Variants in NAV2 observed in about 807,000 individuals in gnomAD.
NAV2 encodes the protein helicase, APC down-regulated 1.
In NAV2, 54 loss-of-function variants were observed where a neutral mutation model predicts 223.2. That is an observed-to-expected ratio of 0.24 (90% CI 0.19 to 0.30). NAV2 has a LOEUF of 0.30. NAV2 is among the 10% of genes least tolerant of loss of function. The probability of loss-of-function intolerance (pLI) is 1.00; values close to 1 mark genes in which losing one functional copy is unlikely to be tolerated. For missense variants in NAV2, 2,806 were observed against 3,147.5 expected (o/e 0.89, Z 2.60); for synonymous variants, 1,279 against 1,239.3 (o/e 1.03, Z -0.67).
At chr11:19,705,045 T>A (rs1481107634) in intron 1 of NAV2, among the ~76,000 whole-genome samples, 1 of 150,926 alleles carries the variant, frequency 6.6e-6, no homozygotes, top group Admixed American at 6.6e-5. Flanking sequence ...AAATAATTTT[T>A]AAATATCAAT....
chr11:19,842,141 T>C (rs572148609), intron 2 of NAV2, among the ~76,000 whole-genome samples: 1 of 152,330 alleles, frequency 6.6e-6, no homozygotes, highest in Non-Finnish European at 1.5e-5. Context: ...GACTGTGTTA[T>C]GCCAGGGACT....
chr11:19,791,463 C>G (rs372087337), intron 1 of NAV2, among the ~76,000 whole-genome samples: 88 of 152,258 alleles, frequency 5.8e-4, no homozygotes, highest in African/African-American at 1.9e-3. Flanking sequence ...GCTGGCATGA[C>G]AGGAAGAAGC....
At chr11:19,506,869 C>T (rs1564996234) in intron 1 of NAV2, 1 of 152,036 alleles carries the variant, frequency 6.6e-6, no homozygotes, top group South Asian at 2.1e-4. Flanking sequence ...ATGTGGAGCC[C>T]CTTGTTCAAA....
chr11:19,354,293 G>A (rs1853490239), intron 1 of NAV2, among the ~76,000 whole-genome samples: 2 of 152,184 alleles, frequency 1.3e-5, no homozygotes, highest in Admixed American at 1.3e-4. Flanking sequence ...TGTTCTATTC[G>A]TGCACTGTAC....
intron 1 of NAV2, among the ~76,000 whole-genome samples, chr11:19,793,544 G>A (rs7110079): frequency 0.23 from 34,296 of 152,064 alleles, 4,623 homozygotes; most frequent in East Asian, 0.7. Flanking sequence ...CTCTGCTGCC[G>A]TCACCTAGCC....
chr11:19,369,574 C>T (rs1016434180), intron 1 of NAV2, among the ~76,000 whole-genome samples: 1 of 152,160 alleles, frequency 6.6e-6, no homozygotes, highest in Non-Finnish European at 1.5e-5. Flanking sequence ...ACTTTTGTGA[C>T]TTCCTCAGAG....
intron 2 of NAV2, among the ~76,000 whole-genome samples, chr11:19,842,503 C>T (rs1324644203): frequency 6.6e-6 from 1 of 152,190 alleles, no homozygotes; most frequent in Non-Finnish European, 1.5e-5. Context: ...GACTGATCCA[C>T]TCTGAACTAT....
chr11:20,089,390 C>T (rs540128757), intron 26 of NAV2, among the ~76,000 whole-genome samples: 2 of 152,308 alleles, frequency 1.3e-5, no homozygotes, highest in South Asian at 2.1e-4. Flanking sequence ...CCCCGAAATA[C>T]AATTTCATCT....
Position 19,713,849 on chromosome 11 carries a change from T to A in NAV2, c.154T>A (p.Tyr52Asn). ...CAAGGTGGAGGTGAGCAAGACCACCTATCCTAGCCAGATCCCCCTGAAATC... is the reference window on the plus strand; with the variant it reads ...CAAGGTGGAGGTGAGCAAGACCACCAATCCTAGCCAGATCCCCCTGAAATC... Reference protein sequence around the residue: ...GSKVEVSKTTYPSQIPLKSQV... With the variant: ...GSKVEVSKTTNPSQIPLKSQV... Residue 52 changes from tyrosine to asparagine, a missense_variant, in exon 1 of 38, where the codon TAT becomes AAT. Physicochemically the swap from Tyr to Asn is moderately radical, Grantham distance 143. This residue lies in a region of NAV2 where 1,167 missense variants were observed against 1,180.5 expected (regional missense o/e 0.99). Transcript: ENST00000349880. The surrounding 1 kb of genome is among the most constrained non-coding windows in gnomAD (Gnocchi z 7.2). 6.2e-7 allele frequency: 1 copy of A among 1,613,550 alleles called. No individual in the cohort carries two copies. Among genetic ancestry groups the A allele is most frequent in the East Asian group, 2.2e-5 (1 of 44,848 alleles).
intron 12 of NAV2, among the ~76,000 whole-genome samples, chr11:20,040,057 GATGAGTTCAGGATGT>G (rs2056768326): frequency 6.6e-6 from 1 of 152,218 alleles, no homozygotes; most frequent in Admixed American, 6.5e-5. Flanking sequence ...GAGAGGATAA[GATGAGTTCAGGATGT>G]ATGTGGAGGG....
chr11:19,880,044 G>T lies in NAV2; in HGVS notation c.687G>T (p.Val229=), dbSNP rs2063102927. ...QCQAGTPQQQ[V]PVTPQAPCQP... is the part of the protein sequence containing the mutation. ...AGGCTGGCACCCCTCAGCAGCAGGT[G>T]CCAGTCACTCCCCAAGCCCCGTGCC... Residue 229 remains valine, a synonymous_variant, in exon 5 of 38, where the codon GTG becomes GTT. Transcript: ENST00000349880. The T allele has an allele frequency of 6.2e-7, 1 of 1,613,640 alleles. No homozygotes were observed. Among genetic ancestry groups the T allele is most frequent in the Non-Finnish European group, 8.5e-7 (1 of 1,179,772 alleles).
chr11:19,884,482 G>A, intron 5 of NAV2: 1 of 802,510 alleles, frequency 1.2e-6, no homozygotes, highest in Non-Finnish European at 2.1e-6. Flanking sequence ...TGCAGTTCGA[G>A]AAAACTAAAT....
In NAV2 at chr11:19,886,033, CTCATGGCGCTA is replaced by C. The variant is rs532931730; in HGVS notation, c.770+5925_770+5935del. Among the ~76,000 whole-genome samples the C allele has an allele frequency of 4.5e-4, 69 of 152,304 alleles. 1 individual carries two copies. Among genetic ancestry groups the C allele is most frequent in the Middle Eastern group, 3.4e-3 (1 of 294 alleles). The stretch of plus-strand genomic sequence containing the variant: ...TCCAGTTCTGATACTTTAACCTAGA[CTCATGGCGCTA>C]TCATGGCGCTATCATGGCTCCCTGA... On this transcript the variant is annotated intron_variant, in intron 5 of 37. Transcript: ENST00000349880.
intron 1 of NAV2, among the ~76,000 whole-genome samples, chr11:19,474,624 G>A (rs977028380): frequency 1.3e-5 from 2 of 152,176 alleles, no homozygotes; most frequent in African/African-American, 4.8e-5. Context: ...CTATAGAGCT[G>A]CAAGCCTTAT....
At chr11:19,761,517 G>A (rs541575869) in intron 1 of NAV2, among the ~76,000 whole-genome samples, 12 of 152,306 alleles carry the variant, frequency 7.9e-5, no homozygotes, top group African/African-American at 2.9e-4. Context: ...CAGAGAGCAT[G>A]ATCCAGGCAG....
At chr11:19,453,741 C>T (rs1481035179) in intron 1 of NAV2, among the ~76,000 whole-genome samples, 1 of 152,176 alleles carries the variant, frequency 6.6e-6, no homozygotes, top group Non-Finnish European at 1.5e-5. Context: ...ATCCTTCCAG[C>T]CATGAATCTA....
chr11:19,741,173 A>G (rs1306704349), intron 1 of NAV2, among the ~76,000 whole-genome samples: 2 of 152,204 alleles, frequency 1.3e-5, no homozygotes, highest in African/African-American at 4.8e-5. Flanking sequence ...TAAGATGTAC[A>G]ATCTGTTTTC....
At chr11:19,977,889 C>T (rs2049921483) in intron 10 of NAV2, among the ~76,000 whole-genome samples, 1 of 149,904 alleles carries the variant, frequency 6.7e-6, no homozygotes, top group South Asian at 2.1e-4. Context: ...ACTGCAACCT[C>T]TGCCTCCCGG....
At chr11:19,610,446 G>A (rs2046605392) in intron 1 of NAV2, among the ~76,000 whole-genome samples, 1 of 152,216 alleles carries the variant, frequency 6.6e-6, no homozygotes, top group Non-Finnish European at 1.5e-5. Context: ...TACAGTTGCA[G>A]CTCTGAGCTT....
Sources: gnomAD v4.1 joint callset for allele counts (sites outside exome capture counted in the v4.1 genomes callset) on GRCh38, gnomAD v4.1.1 for gene constraint, gnomAD v4.1.1 regional missense constraint, Gnocchi (gnomAD v3.1) non-coding constraint, MANE v1.5 for transcripts, NCBI Gene and HGNC (gene_info 2026-07-23, HGNC 2026-07-21) for gene names.